The following ZNF700 variants were observed in gnomAD, a reference collection of about 807,000 sequenced individuals.
ZNF700 encodes zinc finger protein 700.
Under a neutral mutation model 65.3 loss-of-function variants are expected in ZNF700, and 38 were observed. The observed-to-expected ratio is 0.58, with a 90% CI of 0.45 to 0.76. The LOEUF is 0.76. ZNF700 is among the 30% of genes least tolerant of loss of function. The probability of loss-of-function intolerance (pLI) is 0.00; values close to 1 mark genes in which losing one functional copy is unlikely to be tolerated. For missense variants in ZNF700, 857 were observed against 888.4 expected, an observed-to-expected ratio of 0.96 and a Z score of 0.45; for synonymous variants, 285 against 290.4, an observed-to-expected ratio of 0.98 and a Z score of 0.19.
chr19:11,930,109 C>T (rs1599278393), intron 1 of ZNF700, among the ~76,000 whole-genome samples: 1 of 148,192 alleles, frequency 6.7e-6, no homozygotes, highest in Non-Finnish European at 1.5e-5. Context: ...AGCTGAATGA[C>T]TAGTGGTGGA....
rs144684609 is a variant in ZNF700 at position 11,949,679 on chromosome 19, G to C, written c.1655G>C (p.Arg552Pro). The change falls in exon 4 of 4, where the codon CGA (arginine) becomes CCA (proline). Residue 552 changes from arginine (R) to proline (P), a missense_variant. This residue lies in a region of ZNF700 where 251 missense variants were observed against 250.3 expected (regional missense o/e 1.00). Coordinates refer to ENST00000254321, the MANE Select transcript of ZNF700 (RefSeq NM_144566.3). ...GKAFRCCNSL[R>P]YHERTHTGEK... Reference sequence around the variant, plus strand: ...GCCTTCAGATGTTGCAATTCCCTTCGATATCATGAAAGGACTCACACTGGA... The same window carrying C: ...GCCTTCAGATGTTGCAATTCCCTTCCATATCATGAAAGGACTCACACTGGA... 2 of 1,612,464 alleles carry C rather than the reference G, an allele frequency of 1.2e-6. No homozygotes were observed. Among genetic ancestry groups the C allele is most frequent in the Admixed American group, 3.3e-5 (2 of 59,806 alleles).
intron 3 of ZNF700, 89 bp from the exon 4 acceptor site, chr19:11,948,187 A>G: frequency 7.0e-7 from 1 of 1,421,608 alleles, no homozygotes; most frequent in Non-Finnish European, 9.7e-7. Flanking sequence ...TTTGATGGAC[A>G]GTGTTAAAAA....
intron 1 of ZNF700, among the ~76,000 whole-genome samples, chr19:11,928,300 A>T (rs1043740791): frequency 6.6e-6 from 1 of 152,060 alleles, no homozygotes; most frequent in Non-Finnish European, 1.5e-5. Context: ...CTAACAACTT[A>T]ATTCGTAATG....
intron 1 of ZNF700, among the ~76,000 whole-genome samples, chr19:11,926,847 G>C (rs1397048295): frequency 1.3e-5 from 2 of 152,260 alleles, no homozygotes; most frequent in South Asian, 4.1e-4. Flanking sequence ...ATTTCAGTTG[G>C]AAGAGTTTAT....
rs1438882057 is a variant in ZNF700, at chr19:11,950,244, A to C, written c.2220A>C (p.Ala740=). The C allele has an allele frequency of 6.2e-7, 1 of 1,609,638 alleles. No homozygotes were observed. Among genetic ancestry groups the C allele is most frequent in the East Asian group, 2.2e-5 (1 of 44,810 alleles). Residue 740 remains alanine, a synonymous_variant, in exon 4 of 4, where the codon GCA becomes GCC. Coordinates refer to ENST00000254321, the MANE Select transcript of ZNF700 (RefSeq NM_144566.3). ...ATGAATGTAAGGATTGTGGGAAAGCATTCAGCTAGCCTGGTTCCTTTTATG... is the reference window on the plus strand; with the variant it reads ...ATGAATGTAAGGATTGTGGGAAAGCCTTCAGCTAGCCTGGTTCCTTTTATG... ...KPYECKDCGK[A]FS
At chr19:11,941,817 C>T (rs764181870) in intron 1 of ZNF700, among the ~76,000 whole-genome samples, 27 of 152,216 alleles carry the variant, frequency 1.8e-4, no homozygotes, top group African/African-American at 3.1e-4. Flanking sequence ...GCGCCAAGAG[C>T]GAGCGAGGGC....
At position 11,930,965 on chromosome 19, in the gene ZNF700, C is replaced by G. The variant is rs984351723; in HGVS notation, c.63+5692C>G. On this transcript the variant is annotated intron_variant, in intron 1 of 3. Transcript: ENST00000254321. ...AGTGAGCCGAGATTGCGCCATTGCT[C>G]TCTAGCCAGGGCAACAAGAACAAAA... Among the ~76,000 whole-genome samples, 23 of 146,018 alleles carry G rather than the reference C, an allele frequency of 1.6e-4. 2 individuals are homozygous for G. The highest frequency in any genetic ancestry group is 5.8e-4 in the African/African-American group (21 of 36,394).
chr19:11,949,026 T>C lies in ZNF700; in HGVS notation c.1002T>C (p.Tyr334=), dbSNP rs774347848. 5.0e-6 allele frequency: 8 copies of C among 1,606,986 alleles called. No individual in the cohort carries two copies. The Admixed American group carries it at 1.0e-4, about 21-fold the overall frequency. Residue 334 remains tyrosine (Y), a synonymous_variant, in exon 4 of 4, where the codon TAT becomes TAC. Coordinates refer to ENST00000254321, the MANE Select transcript of ZNF700 (RefSeq NM_144566.3). ...HERTHSGKKP[Y]ECKQYGEGLS... is the part of the protein sequence containing the mutation. Reference sequence around the variant, plus strand: ...GGACCCACTCTGGGAAAAAACCGTATGAATGTAAGCAATATGGGGAAGGCT... The same window carrying C: ...GGACCCACTCTGGGAAAAAACCGTACGAATGTAAGCAATATGGGGAAGGCT...
In ZNF700 at chr19:11,925,214, C is replaced by G. The variant is rs372289532; in HGVS notation, c.4C>G (p.Pro2Ala). 29 of 1,612,420 alleles carry G rather than the reference C, an allele frequency of 1.8e-5. No individual in the cohort carries two copies. Among genetic ancestry groups the G allele is most frequent in the Non-Finnish European group, 2.5e-5 (29 of 1,178,980 alleles). ...CTGTCGCTCTGTCGCCTGCGCTATG[C>G]CCTGCTGTAGTCACAGGAGCTGTAG... Reference protein sequence around the residue: MPCCSHRSCRED... With the variant: MACCSHRSCRED... Residue 2 changes from proline to alanine, a missense_variant, in exon 1 of 4, where the codon CCC (proline) becomes GCC (alanine). This residue lies in a region of ZNF700 where 603 missense variants were observed against 619.9 expected (regional missense o/e 0.97). Transcript: ENST00000254321.
rs1273705190 is a variant in ZNF700, at chr19:11,949,400, C to T, written c.1376C>T (p.Ser459Leu). 1 of 1,612,772 alleles carries T rather than the reference C, an allele frequency of 6.2e-7. No homozygotes were observed. The highest frequency in any genetic ancestry group is 8.5e-7 in the Non-Finnish European group (1 of 1,179,690). ...KECGKAFRST[S>L]HLRVHGRTHT... ...TGTGGGAAAGCCTTCAGATCTACCT[C>T]ACACCTTCGAGTGCATGGTAGGACT... Residue 459 changes from serine to leucine, a missense_variant, in exon 4 of 4, where the codon TCA becomes TTA. Ser to Leu is a moderately radical substitution (Grantham distance 145, BLOSUM62 -2). Coordinates refer to ENST00000254321, the MANE Select transcript of ZNF700 (RefSeq NM_144566.3).
intron 1 of ZNF700, among the ~76,000 whole-genome samples, chr19:11,929,616 T>G (rs1972684650): frequency 6.7e-6 from 1 of 148,202 alleles, no homozygotes; most frequent in South Asian, 2.1e-4. Context: ...TTCAGGGTCC[T>G]TAGGTAGGAC....
At chr19:11,947,406 T>C in intron 2 of ZNF700, 99 bp downstream of exon 2, 1 of 1,603,734 alleles carries the variant, frequency 6.2e-7, no homozygotes, top group Non-Finnish European at 8.5e-7. Flanking sequence ...AGGAAATACC[T>C]TGATGAATAA....
intron 1 of ZNF700, among the ~76,000 whole-genome samples, chr19:11,941,232 A>G (rs1309344109): frequency 6.6e-6 from 1 of 152,236 alleles, no homozygotes; most frequent in Non-Finnish European, 1.5e-5. Flanking sequence ...AGATGGCTTC[A>G]CCCAGTGGAT....
At chr19:11,936,301 C>T (rs1203200159) in intron 1 of ZNF700, among the ~76,000 whole-genome samples, 1 of 152,196 alleles carries the variant, frequency 6.6e-6, no homozygotes, top group African/African-American at 2.4e-5. Context: ...TACAGTCCCA[C>T]CAACAGTGTA....
rs1159933277 is a variant in ZNF700 at position 11,950,425 on chromosome 19, ACTT to A, written c.*176_*178del. The A allele has an allele frequency of 1.1e-5, 8 of 756,434 alleles. No homozygotes were observed. The East Asian group carries it at 2.0e-4, about 19-fold the overall frequency. The allele number at this position is 756,434 out of a possible 1,614,324, so 46.9% of individuals were successfully genotyped here. Reference sequence around the variant, plus strand: ...GTGTGGGAAAGCCTTCATTCCTTTTACTTCTTTTCAATGTCATGAAAGGACTCA... The same window carrying A: ...GTGTGGGAAAGCCTTCATTCCTTTTACTTTTCAATGTCATGAAAGGACTCA... On this transcript the variant is annotated 3_prime_UTR_variant, in exon 4 of 4. Coordinates refer to ENST00000254321, the MANE Select transcript of ZNF700 (RefSeq NM_144566.3).
chr19:11,940,779 C>T (rs930873249), intron 1 of ZNF700, among the ~76,000 whole-genome samples: 3 of 152,086 alleles, frequency 2.0e-5, no homozygotes, highest in Non-Finnish European at 2.9e-5. Flanking sequence ...TTTGACAGGG[C>T]GCTGATTGGT....
chr19:11,940,275 C>T (rs373999107), intron 1 of ZNF700, among the ~76,000 whole-genome samples: 2 of 152,076 alleles, frequency 1.3e-5, no homozygotes, highest in East Asian at 3.9e-4. Flanking sequence ...TGTATTGTGT[C>T]CGGAATTGGT....
intron 2 of ZNF700, 74 bp from the exon 3 acceptor site, chr19:11,947,440 A>G (rs1972977535): frequency 1.9e-6 from 3 of 1,601,080 alleles, no homozygotes; most frequent in South Asian, 1.1e-5. Flanking sequence ...GCAGTAAATC[A>G]TGGGCACAGA....
intron 1 of ZNF700, among the ~76,000 whole-genome samples, chr19:11,929,934 A>T (rs950056684): frequency 4.1e-5 from 6 of 148,090 alleles, no homozygotes; most frequent in African/African-American, 1.6e-4. Flanking sequence ...AGGTTCCTTT[A>T]TGGAAACTTT....
Sources: gnomAD v4.1 joint callset for allele counts (sites outside exome capture counted in the v4.1 genomes callset) on GRCh38, gnomAD v4.1.1 for gene constraint, gnomAD v4.1.1 regional missense constraint, MANE v1.5 for transcripts, NCBI Gene and HGNC (gene_info 2026-07-23, HGNC 2026-07-21) for gene names.